The following NELL1 variants were observed in gnomAD, a reference collection of about 807,000 sequenced individuals.
NELL1 encodes neural EGFL like 1, also known as protein kinase C-binding protein NELL1.
Under a neutral mutation model 107.4 loss-of-function variants are expected in NELL1, and 76 were observed. The ratio of observed to expected loss-of-function variants is 0.71; its 90% CI spans 0.59 to 0.86. The LOEUF is 0.86. Ranked by LOEUF, NELL1 falls within the 40% of genes least tolerant of loss-of-function variation. NELL1 has a pLI of 0.00. For missense variants in NELL1, 1,024 were observed against 1,005.5 expected (o/e 1.02, Z -0.25); for synonymous variants, 353 against 341.2 (o/e 1.03, Z -0.38).
intron 3 of NELL1, among the ~76,000 whole-genome samples, chr11:20,788,415 C>G (rs941153082): frequency 6.6e-6 from 1 of 152,128 alleles, no homozygotes; most frequent in Admixed American, 6.5e-5. Flanking sequence ...TGGAGTGATA[C>G]CTTACTGTGG....
Position 21,557,281 on chromosome 11 carries a change from G to T in NELL1, c.1787-2908G>T, listed in dbSNP as rs193099546. 3.9e-5 allele frequency among the ~76,000 whole-genome samples: 6 copies of T among 152,140 alleles called. No individual in the cohort carries two copies. In the East Asian group the frequency reaches 1.2e-3, roughly 30 times the overall value. On this transcript the variant is annotated intron_variant, in intron 16 of 19. Coordinates refer to ENST00000357134, the MANE Select transcript of NELL1 (RefSeq NM_006157.5). ...TGTGAAATCTTTTCATTCTGGAGAA[G>T]TGAAAGCAAATCCTGGTTTTGCGCC...
rs893721534 is a variant in NELL1, at chr11:21,178,185, G to T, written c.1427-51147G>T. Among the ~76,000 whole-genome samples, 17 of 151,520 alleles carry T rather than the reference G, an allele frequency of 1.1e-4. 1 individual carries two copies. The highest frequency in any genetic ancestry group is 3.9e-4 in the African/African-American group (16 of 40,986). On this transcript the variant is annotated intron_variant, in intron 13 of 19. Coordinates refer to ENST00000357134, the MANE Select transcript of NELL1 (RefSeq NM_006157.5). ...AAAAGAAGTACTACTAGATTTTTATGGCCCTGTTTTTCTAATAGGGATTTC... is the reference window on the plus strand; with the variant it reads ...AAAAGAAGTACTACTAGATTTTTATTGCCCTGTTTTTCTAATAGGGATTTC...
chr11:21,530,177 A>G (rs1159697845), intron 15 of NELL1, among the ~76,000 whole-genome samples: 2 of 152,102 alleles, frequency 1.3e-5, no homozygotes, highest in African/African-American at 4.8e-5. Flanking sequence ...ACTCAATATC[A>G]CCCTAAAAAC....
At chr11:20,737,133 C>T (rs747125176) in intron 2 of NELL1, among the ~76,000 whole-genome samples, 2 of 151,896 alleles carry the variant, frequency 1.3e-5, no homozygotes, top group Non-Finnish European at 2.9e-5. Flanking sequence ...TTTTACTTAC[C>T]TGCTCTTATT....
chr11:20,744,281 TAAA>T (rs113773223), intron 2 of NELL1, among the ~76,000 whole-genome samples: 5,304 of 152,270 alleles, frequency 0.035, 297 homozygotes, highest in African/African-American at 0.12. Context: ...TAAAGACTTT[TAAA>T]GTTGTAAAGT....
intron 14 of NELL1, among the ~76,000 whole-genome samples, chr11:21,248,891 C>T (rs560632654): frequency 6.6e-6 from 1 of 152,118 alleles, no homozygotes; most frequent in Non-Finnish European, 1.5e-5. Flanking sequence ...GACAATGAGT[C>T]TCATTTTTCT....
At chr11:20,883,749 C>T (rs1849452374) in intron 4 of NELL1, among the ~76,000 whole-genome samples, 1 of 152,122 alleles carries the variant, frequency 6.6e-6, no homozygotes, top group African/African-American at 2.4e-5. Context: ...TGTTTCATAA[C>T]TTGCATATTC....
chr11:21,392,049 G>T lies in NELL1; in HGVS notation c.1645+21101G>T, dbSNP rs558226825. On this transcript the variant is annotated intron_variant, in intron 15 of 19. Transcript: ENST00000357134. ...TTGATTGCTAGCATTCTGAGAGTCA[G>T]GTCGGAAGAATAAGACAAAAGATTG... 5.9e-5 allele frequency among the ~76,000 whole-genome samples: 9 copies of T among 151,764 alleles called. No homozygotes were observed. In the East Asian group the frequency reaches 1.6e-3, roughly 26 times the overall value.
At chr11:21,437,781 C>A (rs1284912903) in intron 15 of NELL1, among the ~76,000 whole-genome samples, 1 of 152,132 alleles carries the variant, frequency 6.6e-6, no homozygotes, top group African/African-American at 2.4e-5. Context: ...CCTTTTCAGT[C>A]TATACTTACA....
At chr11:21,297,089 T>G (rs1265065746) in intron 14 of NELL1, among the ~76,000 whole-genome samples, 1 of 151,864 alleles carries the variant, frequency 6.6e-6, no homozygotes, top group East Asian at 1.9e-4. Context: ...ATTTACATTT[T>G]CTCCTATCTG....
At chr11:21,054,018 TG>T (rs1853559016) in intron 12 of NELL1, among the ~76,000 whole-genome samples, 2 of 152,180 alleles carry the variant, frequency 1.3e-5, no homozygotes. Context: ...TTGCTTTCCA[TG>T]ATTTCAGAAG....
At chr11:21,030,534 G>T (rs1852927234) in intron 12 of NELL1, among the ~76,000 whole-genome samples, 1 of 151,856 alleles carries the variant, frequency 6.6e-6, no homozygotes, top group African/African-American at 2.4e-5. Context: ...GTGACAATGA[G>T]AACTAACCAG....
At chr11:21,453,568 T>C (rs575991460) in intron 15 of NELL1, among the ~76,000 whole-genome samples, 3 of 152,246 alleles carry the variant, frequency 2.0e-5, no homozygotes, top group East Asian at 3.9e-4. Context: ...TGTTTTTTTT[T>C]CTTTTATTCC....
At chr11:20,913,215 A>G (rs184838703) in intron 5 of NELL1, among the ~76,000 whole-genome samples, 2 of 152,184 alleles carry the variant, frequency 1.3e-5, no homozygotes, top group Admixed American at 6.6e-5. Flanking sequence ...ATATATTTAC[A>G]TGCCCAGCAG....
chr11:21,573,835 AG>A (rs909164770), intron 19 of NELL1, among the ~76,000 whole-genome samples: 4 of 151,824 alleles, frequency 2.6e-5, no homozygotes, highest in African/African-American at 9.7e-5. Flanking sequence ...ATCCTGGAAA[AG>A]TTTCTAAGTT....
At chr11:21,069,270 C>T (rs1174127164) in intron 12 of NELL1, among the ~76,000 whole-genome samples, 1 of 152,148 alleles carries the variant, frequency 6.6e-6, no homozygotes, top group African/African-American at 2.4e-5. Context: ...CACATGTACC[C>T]TTGAACTTAA....
At chr11:21,542,973 C>T (rs1856329390) in intron 16 of NELL1, among the ~76,000 whole-genome samples, 2 of 151,914 alleles carry the variant, frequency 1.3e-5, no homozygotes, top group Admixed American at 1.3e-4. Context: ...CATTCATAAT[C>T]GTCAAGAAGT....
intron 13 of NELL1, among the ~76,000 whole-genome samples, chr11:21,176,509 T>C (rs549029130): frequency 6.6e-6 from 1 of 151,990 alleles, no homozygotes; most frequent in South Asian, 2.1e-4. Context: ...GACAGTTTCC[T>C]ACTAAGGCCA....
At chr11:21,317,099 A>T (rs1450786275) in intron 14 of NELL1, among the ~76,000 whole-genome samples, 1 of 152,170 alleles carries the variant, frequency 6.6e-6, no homozygotes, top group East Asian at 1.9e-4. Context: ...AATCATAATA[A>T]TTAACACATA....
Sources: gnomAD v4.1 joint callset for allele counts (sites outside exome capture counted in the v4.1 genomes callset) on GRCh38, gnomAD v4.1.1 for gene constraint, MANE v1.5 for transcripts, NCBI Gene and HGNC (gene_info 2026-07-23, HGNC 2026-07-21) for gene names.